Variants in WDR33 observed in about 807,000 individuals in gnomAD.
WDR33 encodes pre-mRNA 3' end processing protein WDR33.
WDR33 carries 47 observed loss-of-function variants against 164.9 expected under a neutral mutation model. The observed-to-expected ratio is 0.29, with a 90% CI of 0.23 to 0.36. The LOEUF (loss-of-function observed/expected upper bound fraction) is 0.36, where lower values mean the gene tolerates loss of function less well. Among genes scored for constraint, WDR33 ranks in the 10% least tolerant of loss-of-function variants. The probability of loss-of-function intolerance (pLI) is 1.00; values close to 1 mark genes in which losing one functional copy is unlikely to be tolerated. For synonymous variants in WDR33, 505 were observed against 589.0 expected (o/e 0.86, Z 2.06); for missense variants, 1,137 against 1,754.1 (o/e 0.65, Z 6.28).
rs1685919039 is a variant in WDR33, at chr2:127,702,496, A to G, written c.*3827T>C. The G allele has an allele frequency of 5.0e-6, 1 of 199,600 alleles. No individual in the cohort carries two copies. Among genetic ancestry groups the G allele is most frequent in the East Asian group, 1.4e-4 (1 of 7,102 alleles). The allele number at this position is 199,600 out of a possible 1,614,324, so 12.4% of individuals were successfully genotyped here. A position where few individuals can be genotyped will look rare whatever the true frequency, so the allele number is the denominator to read the frequency against. On this transcript the variant is annotated 3_prime_UTR_variant, in exon 22 of 22. Transcript: ENST00000322313. Reference sequence around the variant, plus strand: ...CTGTGGTCTTAGGTTCGGCTGAGTAAAGAAAAAGGATTTTTCTTCGAGTTA... The same window carrying G: ...CTGTGGTCTTAGGTTCGGCTGAGTAGAGAAAAAGGATTTTTCTTCGAGTTA...
chr2:127,791,184 C>T (rs1238502643), intron 1 of WDR33, among the ~76,000 whole-genome samples: 2 of 111,520 alleles, frequency 1.8e-5, no homozygotes, highest in South Asian at 3.5e-4. Context: ...CCAGCAACTG[C>T]GTCTCACTCT....
intron 1 of WDR33, among the ~76,000 whole-genome samples, chr2:127,806,358 C>T (rs1188124618): frequency 2.0e-5 from 3 of 151,908 alleles, no homozygotes; most frequent in South Asian, 2.1e-4. Context: ...CAGGCATGCG[C>T]AACCACACCC....
rs1455373642 is a variant in WDR33 at position 127,735,052 on chromosome 2, A to G, written c.725-8275T>C. On this transcript the variant is annotated intron_variant, in intron 7 of 21. Coordinates refer to ENST00000322313, the MANE Select transcript of WDR33 (RefSeq NM_018383.5). The surrounding 1 kb of genome is among the most constrained non-coding windows in gnomAD (Gnocchi z 4.3). Reference sequence around the variant, plus strand: ...ATTAGGTATTAGATATTTGGTGAACAGACATTCTAGACTTGCTTTGTAGAT... The same window carrying G: ...ATTAGGTATTAGATATTTGGTGAACGGACATTCTAGACTTGCTTTGTAGAT... Among the ~76,000 whole-genome samples, 1 of 152,248 alleles carries G rather than the reference A, an allele frequency of 6.6e-6. No individual in the cohort carries two copies. The highest frequency in any genetic ancestry group is 1.9e-4 in the East Asian group (1 of 5,206).
Position 127,721,028 on chromosome 2 carries a change from T to G in WDR33, c.1672-675A>C, listed in dbSNP as rs1686424870. Reference sequence around the variant, plus strand: ...TAAACAGGTGAATTCAAATTAAAACTATGTTGGCTTTATCTTTTCTATTAA... The same window carrying G: ...TAAACAGGTGAATTCAAATTAAAACGATGTTGGCTTTATCTTTTCTATTAA... On this transcript the variant is annotated intron_variant, in intron 15 of 21. Coordinates refer to ENST00000322313, the MANE Select transcript of WDR33 (RefSeq NM_018383.5). The surrounding 1 kb of genome is among the most constrained non-coding windows in gnomAD (Gnocchi z 4.9). Among the ~76,000 whole-genome samples, 1 of 152,222 alleles carries G rather than the reference T, an allele frequency of 6.6e-6. No homozygotes were observed. Among genetic ancestry groups the G allele is most frequent in the South Asian group, 2.1e-4 (1 of 4,830 alleles).
intron 7 of WDR33, among the ~76,000 whole-genome samples, chr2:127,760,220 TTGAC>T (rs1191966710): frequency 4.6e-5 from 7 of 152,300 alleles, no homozygotes; most frequent in African/African-American, 1.2e-4. Context: ...TGATAAGAGT[TTGAC>T]TGTATGATCA....
In WDR33 at chr2:127,763,381, C is replaced by G; in HGVS notation, c.627-222G>C. ...GTTTGAGTTTTCAATCATCAGTATTCTGAGAACTTCAAGTGTGTATTATTA... is the reference window on the plus strand; with the variant it reads ...GTTTGAGTTTTCAATCATCAGTATTGTGAGAACTTCAAGTGTGTATTATTA... On this transcript the variant is annotated intron_variant, in intron 6 of 21. Coordinates refer to ENST00000322313, the MANE Select transcript of WDR33 (RefSeq NM_018383.5). The surrounding 1 kb of genome is among the most constrained non-coding windows in gnomAD (Gnocchi z 4.5). 7.3e-7 allele frequency: 1 copy of G among 1,370,440 alleles called. No individual in the cohort carries two copies. The highest frequency in any genetic ancestry group is 9.4e-7 in the Non-Finnish European group (1 of 1,060,132). The allele number at this position is 1,370,440 out of a possible 1,614,324, so 84.9% of individuals were successfully genotyped here.
chr2:127,803,234 CTG>C (rs1191272240), intron 1 of WDR33, among the ~76,000 whole-genome samples: 3 of 152,124 alleles, frequency 2.0e-5, no homozygotes, highest in African/African-American at 7.2e-5. Flanking sequence ...AAATCTGACT[CTG>C]TTTTCTGTGT....
At position 127,701,826 on chromosome 2, in the gene WDR33, G is replaced by C; in HGVS notation, c.*4497C>G. On this transcript the variant is annotated 3_prime_UTR_variant, in exon 22 of 22. Coordinates refer to ENST00000322313, the MANE Select transcript of WDR33 (RefSeq NM_018383.5). ...CGGCCTAGCCGCGCTCTACGCACCG[G>C]TGTTGCTGCTGCGCGCGCGCAAGTT... 1 of 1,458,138 alleles carries C rather than the reference G, an allele frequency of 6.9e-7. No individual in the cohort carries two copies. The highest frequency in any genetic ancestry group is 1.5e-5 in the African/African-American group (1 of 67,818). 90.3% of individuals were successfully genotyped at this position (1,458,138 alleles called of 1,614,324 possible). A position where few individuals can be genotyped will look rare whatever the true frequency, so the allele number is the denominator to read the frequency against.
chr2:127,740,489 G>A (rs1391556624), intron 7 of WDR33, among the ~76,000 whole-genome samples: 7 of 152,160 alleles, frequency 4.6e-5, no homozygotes, highest in Non-Finnish European at 5.9e-5. Flanking sequence ...AGGATGCAGT[G>A]AGCTGAGATC....
At chr2:127,793,060 T>G (rs1263954202) in intron 1 of WDR33, among the ~76,000 whole-genome samples, 1 of 152,200 alleles carries the variant, frequency 6.6e-6, no homozygotes, top group African/African-American at 2.4e-5. Context: ...ATTTCATACA[T>G]GTATGTGTAT....
intron 1 of WDR33, among the ~76,000 whole-genome samples, chr2:127,801,227 G>A (rs920423859): frequency 1.3e-4 from 20 of 152,140 alleles, no homozygotes; most frequent in African/African-American, 4.6e-4. Context: ...GAGGCACAGT[G>A]AGCTATGATT....
rs1573869170 is a variant in WDR33, at chr2:127,702,704, A to G, written c.*3619T>C. On this transcript the variant is annotated 3_prime_UTR_variant, in exon 22 of 22. Transcript: ENST00000322313. Reference sequence around the variant, plus strand: ...ATTCAGCCACTGGACTTTTAAAAGTACTTAAGATGGTTTATCTCGGGTTTT... The same window carrying G: ...ATTCAGCCACTGGACTTTTAAAAGTGCTTAAGATGGTTTATCTCGGGTTTT... 2 of 167,234 alleles carry G rather than the reference A, an allele frequency of 1.2e-5. No homozygotes were observed. Among genetic ancestry groups the G allele is most frequent in the Middle Eastern group, 6.8e-3 (2 of 296 alleles). 10.4% of individuals were successfully genotyped at this position (167,234 alleles called of 1,614,324 possible).
intron 1 of WDR33, among the ~76,000 whole-genome samples, chr2:127,795,800 C>T (rs1349398230): frequency 1.3e-5 from 2 of 151,136 alleles, no homozygotes; most frequent in South Asian, 2.1e-4. Flanking sequence ...AGCCACTGCA[C>T]TCTAGCCTGG....
chr2:127,750,666 A>AAT (rs1687301330), intron 7 of WDR33, among the ~76,000 whole-genome samples: 1 of 70,452 alleles, frequency 1.4e-5, no homozygotes, highest in Non-Finnish European at 2.5e-5. Context: ...AAAAAAAAAA[A>AAT]AAAAAAAAAA....
chr2:127,765,437 A>G (rs1180474379), intron 4 of WDR33, among the ~76,000 whole-genome samples, 168 bp from the exon 5 acceptor site: 1 of 152,240 alleles, frequency 6.6e-6, no homozygotes, highest in East Asian at 1.9e-4. Context: ...AAACAACTTA[A>G]CACTGTGCAA....
At position 127,702,246 on chromosome 2, in the gene WDR33, G is replaced by A. The variant is rs530734616; in HGVS notation, c.*4077C>T. On this transcript the variant is annotated 3_prime_UTR_variant, in exon 22 of 22. Coordinates refer to ENST00000322313, the MANE Select transcript of WDR33 (RefSeq NM_018383.5). ...CGTCGGAGACCGCGCCGGCCGAGCT[G>A]AGGACTGCACGCCGCTGTGCGGAAG... 1.3e-4 allele frequency: 147 copies of A among 1,172,086 alleles called. No homozygotes were observed. Among genetic ancestry groups the A allele is most frequent in the East Asian group, 7.4e-4 (19 of 25,722 alleles). The allele number at this position is 1,172,086 out of a possible 1,614,324, so 72.6% of individuals were successfully genotyped here.
chr2:127,793,002 A>G (rs1412320751), intron 1 of WDR33, among the ~76,000 whole-genome samples: 3 of 152,216 alleles, frequency 2.0e-5, no homozygotes, highest in Admixed American at 2.0e-4. Context: ...AAAAAAAATT[A>G]GATGAGTTAG....
Position 127,716,061 on chromosome 2 carries a change from G to GT in WDR33, c.2869+1093dup, listed in dbSNP as rs555064612. ...TTTGCTGATGGCGATAACTCAGGGG[G>GT]TAAAAGACTCTCCTTTTGTTTCTCT... is the stretch of plus-strand genomic sequence containing the variant. On this transcript the variant is annotated intron_variant, in intron 17 of 21. Transcript: ENST00000322313. The surrounding 1 kb of genome is among the most constrained non-coding windows in gnomAD (Gnocchi z 4.5). Among the ~76,000 whole-genome samples, 262 of 152,264 alleles carry GT rather than the reference G, an allele frequency of 1.7e-3. No homozygotes were observed. The highest frequency in any genetic ancestry group is 3.3e-3 in the Non-Finnish European group (226 of 68,020).
chr2:127,728,538 G>T (rs1351488783), intron 7 of WDR33, among the ~76,000 whole-genome samples: 1 of 152,064 alleles, frequency 6.6e-6, no homozygotes, highest in Non-Finnish European at 1.5e-5. Flanking sequence ...GGGTGGGAAG[G>T]GGGAAGAGAG....
Sources: allele counts gnomAD v4.1 joint callset (sites outside exome capture counted in the v4.1 genomes callset), GRCh38; gene constraint gnomAD v4.1.1; non-coding constraint Gnocchi (gnomAD v3.1); transcripts MANE v1.5; gene names NCBI Gene and HGNC (gene_info 2026-07-23, HGNC 2026-07-21).